The following PLEKHG5 variants were observed in gnomAD, a reference collection of about 807,000 sequenced individuals.
PLEKHG5 encodes pleckstrin homology domain-containing family G member 5.
PLEKHG5 carries 52 observed loss-of-function variants against 103.8 expected under a neutral mutation model. The observed-to-expected ratio is 0.50, with a 90% CI of 0.40 to 0.63. The LOEUF is 0.63. PLEKHG5 is among the 30% of genes least tolerant of loss of function. The pLI is 0.00. For synonymous variants in PLEKHG5, 592 were observed against 575.5 expected (o/e 1.03, Z -0.41); for missense variants, 1,205 against 1,347.6 (o/e 0.89, Z 1.66).
intron 6 of PLEKHG5, 79 bp downstream of exon 6, chr1:6,474,372 C>T: frequency 6.4e-7 from 1 of 1,560,076 alleles, no homozygotes; most frequent in Non-Finnish European, 8.8e-7. Context: ...CCAATGGGAA[C>T]CTGAGCCTGG....
intron 5 of PLEKHG5, 119 bp downstream of exon 5, chr1:6,474,928 G>T: frequency 1.3e-6 from 1 of 794,790 alleles, no homozygotes. Flanking sequence ...GCAGGGATGC[G>T]CTCGCTCACG....
intron 19 of PLEKHG5, 140 bp from the exon 20 acceptor site, chr1:6,468,726 G>A (rs1463978701): frequency 1.1e-6 from 1 of 888,846 alleles, no homozygotes; most frequent in Admixed American, 2.1e-5. Context: ...TGTGGCAGGT[G>A]TGGCAGATCT....
Position 6,474,494 on chromosome 1 carries a change from G to C in PLEKHG5, c.396C>G (p.Thr132=). Residue 132 remains threonine (T), a synonymous_variant, in exon 6 of 21, where the codon ACC becomes ACG. Coordinates refer to ENST00000377728, the MANE Select transcript of PLEKHG5 (RefSeq NM_020631.6). The part of the protein sequence containing the change: ...LDQSNTPLSL[T]FEAYRFGGHY... ...GTCCCCCGAACCTGTAGGCCTCGAA[G>C]GTGAGGGACAGGGGTGTGTTGGACT... 6.2e-7 allele frequency: 1 copy of C among 1,613,988 alleles called. No homozygotes were observed. The highest frequency in any genetic ancestry group is 8.5e-7 in the Non-Finnish European group (1 of 1,179,996).
At chr1:6,497,344 CGGG>C (rs1391686429), upstream of PLEKHG5, 1 of 1,034,494 alleles carries the variant, frequency 9.7e-7, no homozygotes, top group African/African-American at 1.7e-5. The surrounding 1 kb of genome is among the most constrained non-coding windows in gnomAD (Gnocchi z 6.1). Flanking sequence ...CCGTGCCGCG[CGGG>C]GGGCGGGCGG....
At chr1:6,469,919 C>G (rs1222612066) in intron 16 of PLEKHG5, among the ~76,000 whole-genome samples, 2 of 152,264 alleles carry the variant, frequency 1.3e-5, no homozygotes, top group African/African-American at 4.8e-5. Flanking sequence ...CGTGTGCAAG[C>G]TCTCAGCCTG....
chr1:6,470,898 G>A lies in PLEKHG5; in HGVS notation c.1393-14C>T. 1.4e-6 allele frequency: 2 copies of A among 1,404,926 alleles called. No individual in the cohort carries two copies. Among genetic ancestry groups the A allele is most frequent in the South Asian group, 1.2e-5 (1 of 80,358 alleles). The allele number at this position is 1,404,926 out of a possible 1,614,324, so 87.0% of individuals were successfully genotyped here. A position where few individuals can be genotyped will look rare whatever the true frequency, so the allele number is the denominator to read the frequency against. ...CTTCTCCGCCCACTGCGGTGGGGGAGTGGGGGCGGGCTCAGGGCAGGCCCC... is the reference window on the plus strand; with the variant it reads ...CTTCTCCGCCCACTGCGGTGGGGGAATGGGGGCGGGCTCAGGGCAGGCCCC... On this transcript the variant is annotated splice_polypyrimidine_tract_variant and intron_variant, in intron 13 of 20. Transcript: ENST00000377728.
chr1:6,469,492 G>T (rs1323286691), intron 17 of PLEKHG5, 42 bp from the exon 18 acceptor site: 1 of 1,613,494 alleles, frequency 6.2e-7, no homozygotes, highest in East Asian at 2.2e-5. Context: ...AGAGACGATG[G>T]CCCCCACCCA....
At chr1:6,488,950 T>G (rs1645092539) in intron 1 of PLEKHG5, among the ~76,000 whole-genome samples, 1 of 152,064 alleles carries the variant, frequency 6.6e-6, no homozygotes, top group Admixed American at 6.5e-5. Context: ...GAAAAGCAGA[T>G]GGGAAACCAG....
intron 7 of PLEKHG5, 104 bp from the exon 8 acceptor site, chr1:6,473,558 G>T: frequency 9.2e-6 from 8 of 873,918 alleles, no homozygotes; most frequent in Non-Finnish European, 1.4e-5. Context: ...ATGGAGGAGG[G>T]TCTCTGCATC....
In PLEKHG5 at chr1:6,469,056, G is replaced by C. The variant is rs1323858843; in HGVS notation, c.2235C>G (p.Pro745=). 6.2e-7 allele frequency: 1 copy of C among 1,613,654 alleles called. No individual in the cohort carries two copies. The change falls in exon 19 of 21, where the codon CCC becomes CCG. Residue 745 remains proline, a synonymous_variant. Coordinates refer to ENST00000377728, the MANE Select transcript of PLEKHG5 (RefSeq NM_020631.6). ...PTIMRKSSGS[P]DSQHCASDGS... is the part of the protein sequence containing the mutation. Reference sequence around the variant, plus strand: ...AGCAGACGTACCAGTGCTGAGAGTCGGGGCTGCCGCTGCTTTTCCGCATGA... The same window carrying C: ...AGCAGACGTACCAGTGCTGAGAGTCCGGGCTGCCGCTGCTTTTCCGCATGA...
intron 2 of PLEKHG5, among the ~76,000 whole-genome samples, chr1:6,477,204 A>G (rs967632871): frequency 6.6e-6 from 1 of 152,208 alleles, no homozygotes; most frequent in Non-Finnish European, 1.5e-5. Context: ...CTTGTCCAGA[A>G]GTCCCCTGCC....
rs1470546067 is a variant in PLEKHG5 at position 6,486,374 on chromosome 1, C to A, written c.-88+5263G>T. Among the ~76,000 whole-genome samples, 1 of 152,138 alleles carries A rather than the reference C, an allele frequency of 6.6e-6. No individual in the cohort carries two copies. The highest frequency in any genetic ancestry group is 2.4e-5 in the African/African-American group (1 of 41,430). On this transcript the variant is annotated intron_variant, in intron 1 of 20. Coordinates refer to ENST00000377728, the MANE Select transcript of PLEKHG5 (RefSeq NM_020631.6). This position sits in a 1 kb window ranked among gnomAD's most constrained non-coding sequence, Gnocchi z 5.3. ...CCTCACAACCAGCTCTCATCTCAGC[C>A]CCTCCCATCAACCTGGAGACCCCTG...
At chr1:6,488,720 C>G (rs1437664671) in intron 1 of PLEKHG5, among the ~76,000 whole-genome samples, 2 of 152,182 alleles carry the variant, frequency 1.3e-5, no homozygotes, top group Non-Finnish European at 2.9e-5. Context: ...CAGCAGGGAG[C>G]TGAAACAGCT....
At chr1:6,500,662 C>G (rs76183136), upstream of PLEKHG5, among the ~76,000 whole-genome samples, 5 of 150,862 alleles carry the variant, frequency 3.3e-5, no homozygotes, top group African/African-American at 9.8e-5. Flanking sequence ...GAACTCCCCC[C>G]ACCCCTAGCC....
At chr1:6,475,435 A>G (rs764912401) in intron 4 of PLEKHG5, 27 bp downstream of exon 4, 1 of 1,606,750 alleles carries the variant, frequency 6.2e-7, no homozygotes, top group Admixed American at 1.7e-5. Context: ...GGGAACCCGC[A>G]TCTGCCGGCT....
intron 1 of PLEKHG5, among the ~76,000 whole-genome samples, chr1:6,482,432 A>C (rs549623432): frequency 6.6e-6 from 1 of 152,162 alleles, no homozygotes; most frequent in African/African-American, 2.4e-5. Flanking sequence ...AGGCGTGGTG[A>C]GGATAGCAGA....
At chr1:6,493,501 C>A (rs1645180447), upstream of PLEKHG5, among the ~76,000 whole-genome samples, 1 of 152,194 alleles carries the variant, frequency 6.6e-6, no homozygotes, top group Non-Finnish European at 1.5e-5. Context: ...AGTTCCTCTA[C>A]CTCTCTGGGC....
chr1:6,475,830 T>C (rs1229697860), intron 3 of PLEKHG5, 101 bp downstream of exon 3: 8 of 1,026,024 alleles, frequency 7.8e-6, no homozygotes, highest in Non-Finnish European at 1.2e-5. Flanking sequence ...CCATCAGCCT[T>C]ACTTGAGGAA....
intron 1 of PLEKHG5, among the ~76,000 whole-genome samples, chr1:6,482,731 T>C (rs533705488): frequency 5.9e-5 from 9 of 152,294 alleles, no homozygotes; most frequent in African/African-American, 2.2e-4. Context: ...TTTTTTGCGA[T>C]AGAGTCTCGC....
Sources: gnomAD v4.1 joint callset for allele counts (sites outside exome capture counted in the v4.1 genomes callset) on GRCh38, gnomAD v4.1.1 for gene constraint, Gnocchi (gnomAD v3.1) non-coding constraint, MANE v1.5 for transcripts, NCBI Gene and HGNC (gene_info 2026-07-23, HGNC 2026-07-21) for gene names.